The following LPA variants were observed in gnomAD, a reference collection of about 807,000 sequenced individuals.
LPA encodes apolipoprotein(a).
LPA carries 199 observed loss-of-function variants against 197.9 expected under a neutral mutation model. That is an observed-to-expected ratio of 1.01 (90% CI 0.90 to 1.13). LPA has a LOEUF of 1.13. Among genes scored for constraint, LPA ranks in the 50% most tolerant of loss-of-function variants. The pLI is 0.00. For missense variants in LPA, 1,853 were observed against 1,785.8 expected, an observed-to-expected ratio of 1.04 and a Z score of -0.68; for synonymous variants, 715 against 639.5, an observed-to-expected ratio of 1.12 and a Z score of -1.78.
chr6:160,544,679 CAAAAG>C (rs1778036582), intron 33 of LPA, among the ~76,000 whole-genome samples: 2 of 152,140 alleles, frequency 1.3e-5, no homozygotes, highest in Admixed American at 6.5e-5. Context: ...CCAAATTACA[CAAAAG>C]AAAAGTCCAG....
At chr6:160,608,938 T>A (rs1779420166) in intron 16 of LPA, among the ~76,000 whole-genome samples, 1 of 152,000 alleles carries the variant, frequency 6.6e-6, no homozygotes, top group South Asian at 2.1e-4. Context: ...GTTAGTTTCC[T>A]ATTCAGAAAT....
At chr6:160,537,305 G>T (rs1272761606) in intron 37 of LPA, among the ~76,000 whole-genome samples, 1 of 152,200 alleles carries the variant, frequency 6.6e-6, no homozygotes, top group Non-Finnish European at 1.5e-5. Flanking sequence ...TTGGGGCCAT[G>T]GGAACTGTCT....
chr6:160,531,938 T>A, intron 38 of LPA, 48 bp from the exon 39 acceptor site: 4 of 1,595,772 alleles, frequency 2.5e-6, no homozygotes, highest in Non-Finnish European at 3.4e-6. Flanking sequence ...GCTGCCAACC[T>A]TTTAATATGG....
chr6:160,579,124 A>G (rs1778742422), intron 26 of LPA, among the ~76,000 whole-genome samples: 1 of 152,090 alleles, frequency 6.6e-6, no homozygotes, highest in Non-Finnish European at 1.5e-5. Flanking sequence ...CTATAAGACT[A>G]TATAGTAATA....
At chr6:160,554,741 A>G (rs1302236625) in intron 30 of LPA, among the ~76,000 whole-genome samples, 1 of 151,922 alleles carries the variant, frequency 6.6e-6, no homozygotes, top group African/African-American at 2.4e-5. Flanking sequence ...TGCAGTTTAT[A>G]TTAGACTTCC....
intron 28 of LPA, among the ~76,000 whole-genome samples, chr6:160,562,706 T>C (rs1038741603): frequency 6.6e-6 from 1 of 152,210 alleles, no homozygotes; most frequent in Non-Finnish European, 1.5e-5. Flanking sequence ...CTGGGCTTTT[T>C]TTGGTTGGTA....
chr6:160,577,238 T>C lies in LPA; in HGVS notation c.4529A>G (p.Tyr1510Cys). Reference sequence around the variant, plus strand: ...GACAGTGGTGGAGGATATGCCTCGATAACTCCGTCCATCACCATGGTAGCA... The same window carrying C: ...GACAGTGGTGGAGGATATGCCTCGACAACTCCGTCCATCACCATGGTAGCA... ...QDCYHGDGRS[Y>C]RGISSTTVTG... The change falls in exon 28 of 39, where the codon TAT becomes TGT. Residue 1510 changes from tyrosine (Y) to cysteine (C), a missense_variant. Tyr to Cys is a radical substitution (Grantham distance 194). Transcript: ENST00000316300. 1 of 1,613,948 alleles carries C rather than the reference T, an allele frequency of 6.2e-7. No homozygotes were observed. Among genetic ancestry groups the C allele is most frequent in the South Asian group, 1.1e-5 (1 of 91,068 alleles).
In LPA at chr6:160,548,586, T is replaced by C. The variant is rs199753374; in HGVS notation, c.5047A>G (p.Ile1683Val). ...GTCAGGTTGCAGTACTCCCACCTGA[T>C]GCTGGGGTCCATGGTAAAACACCAA... ...GPWCFTMDPS[I>V]RWEYCNLTRC... The change falls in exon 31 of 39, where the codon ATC (isoleucine) becomes GTC (valine). Residue 1683 changes from isoleucine (I) to valine (V), a missense_variant. By Grantham distance (29) the Ile-to-Val change is conservative. This residue lies in a region of LPA where 1,737 missense variants were observed against 1,504.4 expected (regional missense o/e 1.15). Transcript: ENST00000316300. 2.0e-4 allele frequency: 330 copies of C among 1,614,106 alleles called. 1 individual carries two copies. In the East Asian group the frequency reaches 6.4e-3, roughly 31 times the overall value.
chr6:160,650,563 T>A (rs1779986705), intron 1 of LPA, 66 bp from the exon 2 acceptor site: 1 of 1,506,352 alleles, frequency 6.6e-7, no homozygotes, highest in Non-Finnish European at 9.2e-7. Context: ...TGAAGTCATT[T>A]ATGACACAAA....
intron 6 of LPA, among the ~76,000 whole-genome samples, chr6:160,637,513 CGTGT>C (rs1414158604): frequency 1.9e-4 from 1 of 5,372 alleles, no homozygotes; most frequent in Non-Finnish European, 3.6e-4. Flanking sequence ...TGAGTTTCTG[CGTGT>C]GTGTGAGTAT....
At chr6:160,661,307 A>C (rs1780222369) in intron 1 of LPA, among the ~76,000 whole-genome samples, 1 of 152,234 alleles carries the variant, frequency 6.6e-6, no homozygotes, top group Non-Finnish European at 1.5e-5. Flanking sequence ...AAGAGTGACT[A>C]GAAGAGCAGT....
At chr6:160,608,277 T>C (rs749415455) in intron 16 of LPA, among the ~76,000 whole-genome samples, 7 of 152,126 alleles carry the variant, frequency 4.6e-5, no homozygotes, top group Non-Finnish European at 8.8e-5. Context: ...ATTCTTACAG[T>C]TTCCGGTTTC....
At chr6:160,599,404 C>A (rs917134967) in intron 20 of LPA, 96 bp downstream of exon 20, 2 of 1,550,788 alleles carry the variant, frequency 1.3e-6, no homozygotes, top group Non-Finnish European at 1.8e-6. Flanking sequence ...GCATCTGAGC[C>A]AAGTTGAGTC....
chr6:160,551,776 T>C (rs1778170133), intron 30 of LPA, among the ~76,000 whole-genome samples: 2 of 152,230 alleles, frequency 1.3e-5, no homozygotes, highest in African/African-American at 4.8e-5. Flanking sequence ...TTCAGAATGA[T>C]TTTGTAAAAC....
At chr6:160,597,173 G>A (rs1271715529) in intron 20 of LPA, among the ~76,000 whole-genome samples, 3 of 152,142 alleles carry the variant, frequency 2.0e-5, no homozygotes, top group Non-Finnish European at 4.4e-5. Flanking sequence ...TAAATAGGTC[G>A]ACGTTTTTAT....
intron 37 of LPA, among the ~76,000 whole-genome samples, chr6:160,535,265 T>A (rs537935765): frequency 0.051 from 383 of 7,544 alleles, no homozygotes; most frequent in Non-Finnish European, 0.079. Context: ...ATGGCAGTGG[T>A]GATGATGGTG....
At chr6:160,582,212 C>CA (rs1039588295) in intron 26 of LPA, among the ~76,000 whole-genome samples, 1 of 151,018 alleles carries the variant, frequency 6.6e-6, no homozygotes, top group Non-Finnish European at 1.5e-5. Context: ...CTGACTTGAT[C>CA]TTTTTTTTTC....
chr6:160,607,877 A>G (rs1269037478), intron 16 of LPA, among the ~76,000 whole-genome samples: 4 of 152,158 alleles, frequency 2.6e-5, no homozygotes, highest in Admixed American at 2.0e-4. Context: ...CTCAGAGTTC[A>G]AAACTTTGTG....
chr6:160,595,494 A>T lies in LPA; in HGVS notation c.3329T>A (p.Ile1110Asn), dbSNP rs1429795120. Residue 1110 changes from isoleucine (I) to asparagine (N), a missense_variant, in exon 21 of 39, where the codon ATT becomes AAT. This residue lies in a region of LPA where 1,737 missense variants were observed against 1,504.4 expected (regional missense o/e 1.15). Coordinates refer to ENST00000316300, the MANE Select transcript of LPA (RefSeq NM_005577.4). ...RNYCRNPDAE[I>N]RPWCYTMDPS... The stretch of plus-strand genomic sequence containing the variant: ...ATCCATGGTGTAACACCAAGGGCGA[A>T]TCTCAGCATCTGGATTCCTGCAGTA... 6.2e-7 allele frequency: 1 copy of T among 1,613,874 alleles called. No individual in the cohort carries two copies. Among genetic ancestry groups the T allele is most frequent in the Non-Finnish European group, 8.5e-7 (1 of 1,179,946 alleles).
Sources: allele counts gnomAD v4.1 joint callset (sites outside exome capture counted in the v4.1 genomes callset), GRCh38; gene constraint gnomAD v4.1.1; regional missense constraint gnomAD v4.1.1; transcripts MANE v1.5; gene names NCBI Gene and HGNC (gene_info 2026-07-23, HGNC 2026-07-21).